Variants in NIPSNAP2 observed in about 807,000 individuals in gnomAD.
NIPSNAP2 encodes the protein protein NipSnap homolog 2.
Under a neutral mutation model 48.4 loss-of-function variants are expected in NIPSNAP2, and 42 were observed. The observed-to-expected ratio is 0.87, with a 90% CI of 0.68 to 1.12. NIPSNAP2 has a LOEUF of 1.12. NIPSNAP2 is among the 50% of genes most tolerant of loss of function. The pLI, the probability that NIPSNAP2 is intolerant of heterozygous loss-of-function variation, is 0.00. For synonymous variants in NIPSNAP2, 158 were observed against 126.6 expected (o/e 1.25, Z -1.67); for missense variants, 314 against 347.3 (o/e 0.90, Z 0.76).
At position 55,964,650 on chromosome 7, in the gene NIPSNAP2, C is replaced by G; in HGVS notation, c.41C>G (p.Ala14Gly). Residue 14 changes from alanine (A) to glycine (G), a missense_variant, in exon 1 of 10, where the codon GCC becomes GGC. Physicochemically the swap from Ala to Gly is moderately conservative, Grantham distance 60. This residue lies in a region of NIPSNAP2 where 198 missense variants were observed against 185.5 expected (regional missense o/e 1.07). Coordinates refer to ENST00000322090, the MANE Select transcript of NIPSNAP2 (RefSeq NM_001483.3). Reference sequence around the variant, plus strand: ...CTGCGCGCCCGCGGAGCGGCCTGGGCCGGCGGCCTCCTGCAGCGGGCGGCC... The same window carrying G: ...CTGCGCGCCCGCGGAGCGGCCTGGGGCGGCGGCCTCCTGCAGCGGGCGGCC... ...RVLRARGAAW[A>G]GGLLQRAAPC... The G allele has an allele frequency of 1.8e-6, 2 of 1,096,318 alleles. No individual in the cohort carries two copies. The highest frequency in any genetic ancestry group is 5.5e-5 in the East Asian group (1 of 18,310). 67.9% of individuals were successfully genotyped at this position (1,096,318 alleles called of 1,614,324 possible). A position where few individuals can be genotyped will look rare whatever the true frequency, so the allele number is the denominator to read the frequency against.
intron 7 of NIPSNAP2, among the ~76,000 whole-genome samples, chr7:55,993,413 A>AC (rs1787490322): frequency 6.6e-6 from 1 of 151,830 alleles, no homozygotes; most frequent in African/African-American, 2.4e-5. Context: ...CCTCATGCCT[A>AC]CCAAAAATAC....
At chr7:55,976,017 CAG>C (rs1459583286) in intron 1 of NIPSNAP2, among the ~76,000 whole-genome samples, 2 of 149,126 alleles carry the variant, frequency 1.3e-5, no homozygotes, top group Non-Finnish European at 3.0e-5. Context: ...AGCCTGGCAA[CAG>C]AGCGAGATTC....
At chr7:55,993,056 A>C (rs1162888370) in intron 7 of NIPSNAP2, among the ~76,000 whole-genome samples, 16 of 151,978 alleles carry the variant, frequency 1.1e-4, no homozygotes, top group Non-Finnish European at 1.9e-4. Context: ...CCAAGCACTT[A>C]GGGAGGCTGG....
At chr7:55,968,634 C>G (rs1402280244) in intron 1 of NIPSNAP2, among the ~76,000 whole-genome samples, 3 of 152,170 alleles carry the variant, frequency 2.0e-5, no homozygotes, top group Non-Finnish European at 4.4e-5. Flanking sequence ...ATCTGCCCGC[C>G]TTGGCCTGCT....
At chr7:55,969,798 A>C (rs1035930117) in intron 1 of NIPSNAP2, among the ~76,000 whole-genome samples, 6 of 152,066 alleles carry the variant, frequency 3.9e-5, no homozygotes, top group Admixed American at 1.3e-4. Flanking sequence ...CCTGGCTAAC[A>C]TGGTGAAACC....
chr7:55,994,485 G>A (rs1787518089), intron 7 of NIPSNAP2, among the ~76,000 whole-genome samples: 2 of 152,210 alleles, frequency 1.3e-5, no homozygotes, highest in Non-Finnish European at 2.9e-5. Context: ...GGCTGAGGCG[G>A]GCGGATTACT....
chr7:55,994,487 C>T (rs900076840), intron 7 of NIPSNAP2, among the ~76,000 whole-genome samples: 11 of 152,172 alleles, frequency 7.2e-5, no homozygotes, highest in East Asian at 3.9e-4. Flanking sequence ...CTGAGGCGGG[C>T]GGATTACTTG....
At chr7:55,982,140 A>G in intron 4 of NIPSNAP2, 70 bp from the exon 5 acceptor site, 1 of 970,920 alleles carries the variant, frequency 1.0e-6, no homozygotes, top group African/African-American at 1.6e-5. Context: ...CGTTATACCT[A>G]TCTAGAACAT....
chr7:55,964,802 A>G, intron 1 of NIPSNAP2, 101 bp downstream of exon 1: 2 of 518,836 alleles, frequency 3.9e-6, no homozygotes, highest in Non-Finnish European at 5.2e-6. Context: ...CCCTGTCCCC[A>G]GCGCGGGTGG....
intron 2 of NIPSNAP2, 40 bp from the exon 3 acceptor site, chr7:55,978,310 T>C (rs748549406): frequency 6.2e-7 from 1 of 1,613,516 alleles, no homozygotes; most frequent in Non-Finnish European, 8.5e-7. Context: ...TTTTTTCCCC[T>C]TTGTTCCTAA....
intron 8 of NIPSNAP2, among the ~76,000 whole-genome samples, chr7:55,996,317 C>A (rs1246806819): frequency 6.6e-6 from 1 of 151,614 alleles, no homozygotes; most frequent in Non-Finnish European, 1.5e-5. Context: ...GAAACCAAGG[C>A]ATCTGGATGA....
At chr7:55,979,958 CTT>C (rs957109488) in intron 3 of NIPSNAP2, 6 of 419,838 alleles carry the variant, frequency 1.4e-5, no homozygotes, top group Admixed American at 1.2e-4. Context: ...CCATGCGTGA[CTT>C]TGTGTTGGTG....
At chr7:55,989,431 C>T (rs1017002872) in intron 7 of NIPSNAP2, among the ~76,000 whole-genome samples, 3 of 152,130 alleles carry the variant, frequency 2.0e-5, no homozygotes, top group African/African-American at 7.2e-5. Context: ...TCAAGACCAG[C>T]CTTGGCAACA....
In NIPSNAP2 at chr7:55,964,620, G is replaced by C. The variant is rs1786850413; in HGVS notation, c.11G>C (p.Arg4Pro). The C allele has an allele frequency of 9.5e-7, 1 of 1,048,262 alleles. No individual in the cohort carries two copies. Among genetic ancestry groups the C allele is most frequent in the Non-Finnish European group, 1.1e-6 (1 of 872,222 alleles). The allele number at this position is 1,048,262 out of a possible 1,614,324, so 64.9% of individuals were successfully genotyped here. A position where few individuals can be genotyped will look rare whatever the true frequency, so the allele number is the denominator to read the frequency against. Residue 4 changes from arginine (R) to proline (P), a missense_variant, in exon 1 of 10, where the codon CGA (arginine) becomes CCA (proline). By Grantham distance (103) the Arg-to-Pro change is moderately radical. Around this residue, in one of 2 missense-constraint regions of NIPSNAP2, gnomAD observed 198 missense variants for 185.5 expected, o/e 1.07. Transcript: ENST00000322090. MAA[R>P]VLRARGAAWA... Reference sequence around the variant, plus strand: ...GAGGCGCCGAGCAAGATGGCGGCGCGAGTGCTGCGCGCCCGCGGAGCGGCC... The same window carrying C: ...GAGGCGCCGAGCAAGATGGCGGCGCCAGTGCTGCGCGCCCGCGGAGCGGCC...
chr7:55,964,634 C>CGCGGAGCGGCCTGGGCCG lies in NIPSNAP2; in HGVS notation c.30_47dup (p.Ala11_Gly16dup). 7 of 1,070,096 alleles carry CGCGGAGCGGCCTGGGCCG rather than the reference C, an allele frequency of 6.5e-6. No homozygotes were observed. The highest frequency in any genetic ancestry group is 6.8e-6 in the Non-Finnish European group (6 of 886,080). 66.3% of individuals were successfully genotyped at this position (1,070,096 alleles called of 1,614,324 possible). On this transcript the variant is annotated inframe_insertion, in exon 1 of 10. Transcript: ENST00000322090. ...GATGGCGGCGCGAGTGCTGCGCGCC[C>CGCGGAGCGGCCTGGGCCG]GCGGAGCGGCCTGGGCCGGCGGCCT...
intron 1 of NIPSNAP2, among the ~76,000 whole-genome samples, chr7:55,973,221 C>A (rs907988219): frequency 2.0e-5 from 3 of 152,104 alleles, no homozygotes; most frequent in Admixed American, 2.0e-4. Context: ...ACCATTAATG[C>A]TTTCTTAATT....
rs75587208 is a variant in NIPSNAP2, at chr7:55,974,864, A to G, written c.93-3262A>G. Among the ~76,000 whole-genome samples, 100 of 149,134 alleles carry G rather than the reference A, an allele frequency of 6.7e-4. No individual in the cohort carries two copies. The East Asian group carries it at 7.0e-3, about 10-fold the overall frequency. ...CTCTGTCTTAAAAAAAAAAAAAAAAAAAAGAAATACTGTTGTAGAAAATCA... is the reference window on the plus strand; with the variant it reads ...CTCTGTCTTAAAAAAAAAAAAAAAAGAAAGAAATACTGTTGTAGAAAATCA... On this transcript the variant is annotated intron_variant, in intron 1 of 9. Coordinates refer to ENST00000322090, the MANE Select transcript of NIPSNAP2 (RefSeq NM_001483.3).
At chr7:55,987,953 T>C (rs1787365005) in intron 7 of NIPSNAP2, among the ~76,000 whole-genome samples, 2 of 152,150 alleles carry the variant, frequency 1.3e-5, no homozygotes, top group African/African-American at 4.8e-5. Flanking sequence ...TAACGTGTTT[T>C]TTTTACCACA....
intron 1 of NIPSNAP2, among the ~76,000 whole-genome samples, chr7:55,977,580 A>G (rs975834319): frequency 5.9e-5 from 9 of 152,298 alleles, no homozygotes; most frequent in East Asian, 3.9e-4. Flanking sequence ...TTGTTGTACA[A>G]TCATCACCAC....
Sources: gnomAD v4.1 joint callset for allele counts (sites outside exome capture counted in the v4.1 genomes callset) on GRCh38, gnomAD v4.1.1 for gene constraint, gnomAD v4.1.1 regional missense constraint, MANE v1.5 for transcripts, NCBI Gene and HGNC (gene_info 2026-07-23, HGNC 2026-07-21) for gene names.